The following TTC23L variants were observed in gnomAD, a reference collection of about 807,000 sequenced individuals.
TTC23L encodes the protein tetratricopeptide repeat domain 23 like.
A neutral mutation model predicts 48.1 loss-of-function variants in TTC23L; 42 were observed. The ratio of observed to expected loss-of-function variants is 0.87; its 90% CI spans 0.68 to 1.13. The LOEUF (loss-of-function observed/expected upper bound fraction) is 1.13, where lower values mean the gene tolerates loss of function less well. TTC23L is among the 50% of genes most tolerant of loss of function. The pLI is 0.00. For missense variants in TTC23L, 391 were observed against 421.0 expected (o/e 0.93, Z 0.62); for synonymous variants, 159 against 157.2 (o/e 1.01, Z -0.09).
intron 8 of TTC23L, among the ~76,000 whole-genome samples, chr5:34,877,633 A>C (rs929836947): frequency 6.6e-6 from 1 of 152,110 alleles, no homozygotes; most frequent in African/African-American, 2.4e-5. Context: ...CATGTTGGCC[A>C]GGCTGGTCTC....
At chr5:34,922,381 G>A in the TTC23L span, 153 of 950,608 alleles carry the variant, frequency 1.6e-4, no homozygotes, top group Non-Finnish European at 2.3e-4. Context: ...TTCATGTTAA[G>A]GGTTGAGAAT....
intron 1 of TTC23L, 50 bp from the exon 2 acceptor site, chr5:34,840,610 TAGAAC>T: frequency 6.7e-7 from 1 of 1,482,714 alleles, no homozygotes; most frequent in Non-Finnish European, 9.4e-7. Context: ...AGGGGGAAAA[TAGAAC>T]AGACACCCAG....
intron 9 of TTC23L, among the ~76,000 whole-genome samples, chr5:34,886,363 T>TA (rs3032938): frequency 0.094 from 11,542 of 123,238 alleles, 579 homozygotes; most frequent in African/African-American, 0.14. Context: ...CAGGCTGATT[T>TA]AAAAAAAAAA....
At chr5:34,888,276 C>T (rs1274478284) in intron 9 of TTC23L, among the ~76,000 whole-genome samples, 1 of 152,148 alleles carries the variant, frequency 6.6e-6, no homozygotes, top group East Asian at 1.9e-4. Flanking sequence ...ATGCCATAAG[C>T]CTAGGTAGGG....
chr5:34,896,494 TCA>T (rs1763236163), intron 9 of TTC23L, among the ~76,000 whole-genome samples: 1 of 152,226 alleles, frequency 6.6e-6, no homozygotes, highest in Non-Finnish European at 1.5e-5. Flanking sequence ...ACATTGAGTC[TCA>T]GTTTCTTCAT....
chr5:34,850,685 C>G (rs911749095), intron 4 of TTC23L, among the ~76,000 whole-genome samples: 1 of 152,104 alleles, frequency 6.6e-6, no homozygotes, highest in Non-Finnish European at 1.5e-5. Flanking sequence ...GATGTACACT[C>G]AGCATCAGGG....
At chr5:34,918,430 C>T in the TTC23L span, 1 of 1,610,194 alleles carries the variant, frequency 6.2e-7, no homozygotes, top group East Asian at 2.2e-5. Flanking sequence ...TAGAACAAGA[C>T]ATTTAATGCA....
chr5:34,871,769 A>G (rs575776165), intron 8 of TTC23L, among the ~76,000 whole-genome samples: 11 of 152,278 alleles, frequency 7.2e-5, no homozygotes, highest in South Asian at 4.1e-4. Flanking sequence ...TTGGAACACA[A>G]TGTAGTACAG....
chr5:34,875,311 A>G (rs1761753557), intron 8 of TTC23L, among the ~76,000 whole-genome samples: 1 of 152,208 alleles, frequency 6.6e-6, no homozygotes, highest in South Asian at 2.1e-4. Context: ...CATAACTAAT[A>G]GGATAGATAC....
At chr5:34,881,947 G>A (rs1441930099) in intron 9 of TTC23L, among the ~76,000 whole-genome samples, 1 of 151,542 alleles carries the variant, frequency 6.6e-6, no homozygotes, top group Admixed American at 6.6e-5. Context: ...GTAGAAACGG[G>A]GTTTAATCCT....
intron 9 of TTC23L, among the ~76,000 whole-genome samples, chr5:34,892,395 G>A (rs1762927660): frequency 6.6e-6 from 1 of 151,978 alleles, no homozygotes; most frequent in Non-Finnish European, 1.5e-5. Context: ...GTACAGAAAG[G>A]GCATACAAAA....
exon 9 of TTC23L, chr5:34,880,253 C>T: frequency 6.2e-7 from 1 of 1,613,296 alleles, no homozygotes; most frequent in East Asian, 2.2e-5. Context: ...GATTTTGAAA[C>T]ACTGAGCACC....
chr5:34,849,847 T>C (rs973139929), intron 3 of TTC23L, among the ~76,000 whole-genome samples: 1 of 152,114 alleles, frequency 6.6e-6, no homozygotes, highest in African/African-American at 2.4e-5. Context: ...AAGTTTTTCA[T>C]GATAAAAGGT....
chr5:34,850,960 C>T (rs1009670023), intron 4 of TTC23L, among the ~76,000 whole-genome samples: 1 of 152,160 alleles, frequency 6.6e-6, no homozygotes, highest in Non-Finnish European at 1.5e-5. Flanking sequence ...GGGACATAGC[C>T]AGCTCAAGAC....
intron 2 of TTC23L, among the ~76,000 whole-genome samples, chr5:34,843,255 C>T (rs1580412308): frequency 6.6e-6 from 1 of 152,214 alleles, no homozygotes; most frequent in East Asian, 1.9e-4. Context: ...AATCAGAATT[C>T]CTATTCATGA....
intron 4 of TTC23L, among the ~76,000 whole-genome samples, chr5:34,855,343 G>T (rs893495542): frequency 9.9e-5 from 15 of 152,176 alleles, no homozygotes; most frequent in African/African-American, 3.6e-4. Context: ...GATAGGCAAA[G>T]AGCACTAGTG....
At chr5:34,915,737 AG>A in the TTC23L span, 1 of 1,599,298 alleles carries the variant, frequency 6.3e-7, no homozygotes, top group Non-Finnish European at 8.5e-7. Context: ...CGGCGAGGCA[AG>A]ATGGCGGCAA....
chr5:34,851,183 G>A (rs578248726), intron 4 of TTC23L, among the ~76,000 whole-genome samples: 13 of 152,290 alleles, frequency 8.5e-5, no homozygotes, highest in African/African-American at 3.1e-4. Flanking sequence ...CACTGGCCTA[G>A]GGGTTGTTCA....
intron 8 of TTC23L, chr5:34,869,924 C>T (rs1334625813): frequency 1.3e-5 from 2 of 152,018 alleles, no homozygotes; most frequent in African/African-American, 4.8e-5. Flanking sequence ...TTCAGCTAAT[C>T]CTCTTTCTCC....
Sources: allele counts gnomAD v4.1 joint callset (sites outside exome capture counted in the v4.1 genomes callset), GRCh38; gene constraint gnomAD v4.1.1; transcripts MANE v1.5; gene names NCBI Gene and HGNC (gene_info 2026-07-23, HGNC 2026-07-21).